Variants in PIWIL1 observed in about 807,000 individuals in gnomAD.
PIWIL1 encodes the protein piwi-like protein 1.
In PIWIL1, 73 loss-of-function variants were observed where a neutral mutation model predicts 114.4. The ratio of observed to expected loss-of-function variants is 0.64; its 90% CI spans 0.53 to 0.78. PIWIL1 has a LOEUF of 0.78. PIWIL1 is among the 30% of genes least tolerant of loss of function. The pLI is 0.00. For synonymous variants in PIWIL1, 375 were observed against 369.0 expected, an observed-to-expected ratio of 1.02 and a Z score of -0.19; for missense variants, 723 against 1,063.1, an observed-to-expected ratio of 0.68 and a Z score of 4.45.
intron 18 of PIWIL1, among the ~76,000 whole-genome samples, chr12:130,366,138 G>A (rs1377449715): frequency 2.0e-5 from 3 of 152,194 alleles, no homozygotes; most frequent in Non-Finnish European, 2.9e-5. Context: ...AGGAACTAAT[G>A]TTGTAGTTGG....
chr12:130,406,522 T>C, the PIWIL1 span, among the ~76,000 whole-genome samples: 1 of 152,244 alleles, frequency 6.6e-6, no homozygotes, highest in Admixed American at 6.5e-5. Flanking sequence ...TAATACATTT[T>C]TAAAGCTAGT....
chr12:130,388,814 A>C, the PIWIL1 span, among the ~76,000 whole-genome samples: 1 of 152,080 alleles, frequency 6.6e-6, no homozygotes, highest in Non-Finnish European at 1.5e-5. Flanking sequence ...TTTTATTTCT[A>C]ATGATTTGCC....
chr12:130,357,619 C>T, intron 14 of PIWIL1, 66 bp downstream of exon 14: 2 of 989,234 alleles, frequency 2.0e-6, no homozygotes, highest in Non-Finnish European at 3.2e-6. Context: ...GGCATGTGTA[C>T]ATTTTGGAAC....
At chr12:130,414,469 C>G in the PIWIL1 span, 1 of 625,662 alleles carries the variant, frequency 1.6e-6, no homozygotes, top group Non-Finnish European at 2.7e-6. Context: ...AGGTCTAGGT[C>G]AGATGAATTG....
At chr12:130,361,649 G>C (rs756399035) in intron 16 of PIWIL1, 48 bp downstream of exon 16, 9 of 1,408,046 alleles carry the variant, frequency 6.4e-6, no homozygotes, top group South Asian at 2.3e-5. Context: ...CATAAAGCAG[G>C]GTTCTGGAGG....
At chr12:130,384,236 C>T in the PIWIL1 span, among the ~76,000 whole-genome samples, 1 of 152,214 alleles carries the variant, frequency 6.6e-6, no homozygotes. Flanking sequence ...GCTATCCTTT[C>T]AGCACTTTGT....
At chr12:130,367,101 T>C (rs1286052804) in intron 18 of PIWIL1, 32 bp from the exon 19 acceptor site, 1 of 1,612,062 alleles carries the variant, frequency 6.2e-7, no homozygotes, top group East Asian at 2.2e-5. Context: ...TATGACTGGC[T>C]AAATGCAGTT....
In PIWIL1 at chr12:130,347,977, A is replaced by C. The variant is rs547937680; in HGVS notation, c.654-126A>C. 635 of 584,830 alleles carry C rather than the reference A, an allele frequency of 1.1e-3. 7 individuals carry two copies. In the South Asian group the frequency reaches 0.014, roughly 13 times the overall value. The allele number at this position is 584,830 out of a possible 1,614,324, so 36.2% of individuals were successfully genotyped here. A position where few individuals can be genotyped will look rare whatever the true frequency, so the allele number is the denominator to read the frequency against. On this transcript the variant is annotated intron_variant, in intron 6 of 20. Coordinates refer to ENST00000245255, the MANE Select transcript of PIWIL1 (RefSeq NM_004764.5). ...TAACTCATAGGCCATAAAAAACAGCAGGTAGGTTGGATTTGGCCTGGCTAC... is the reference window on the plus strand; with the variant it reads ...TAACTCATAGGCCATAAAAAACAGCCGGTAGGTTGGATTTGGCCTGGCTAC...
intron 14 of PIWIL1, among the ~76,000 whole-genome samples, chr12:130,360,112 G>A (rs1430738629): frequency 6.6e-6 from 1 of 152,160 alleles, no homozygotes; most frequent in East Asian, 1.9e-4. Context: ...GACAGATTTA[G>A]TGATAAACAA....
intron 11 of PIWIL1, among the ~76,000 whole-genome samples, 174 bp from the exon 12 acceptor site, chr12:130,355,379 T>A (rs61940167): frequency 0.011 from 1,633 of 152,330 alleles, 11 homozygotes; most frequent in Non-Finnish European, 0.018. Context: ...AAGAGAAGCC[T>A]GAAGGTGATG....
At chr12:130,339,114 G>A (rs2072820342) in intron 1 of PIWIL1, among the ~76,000 whole-genome samples, 1 of 152,104 alleles carries the variant, frequency 6.6e-6, no homozygotes, top group Admixed American at 6.5e-5. Flanking sequence ...GCCCCCGGGA[G>A]CCTTGGGAGC....
intron 4 of PIWIL1, 123 bp downstream of exon 4, chr12:130,346,001 A>G: frequency 1.4e-6 from 1 of 708,616 alleles, no homozygotes. Context: ...GATTTTCCTC[A>G]CTTTCTTTTG....
the PIWIL1 span, among the ~76,000 whole-genome samples, chr12:130,387,859 A>C: frequency 6.6e-6 from 1 of 152,244 alleles, no homozygotes; most frequent in Non-Finnish European, 1.5e-5. Context: ...ACTTAATAAA[A>C]TTTACAGCAT....
chr12:130,376,238 G>A (rs903943695), downstream of PIWIL1, among the ~76,000 whole-genome samples: 1 of 152,146 alleles, frequency 6.6e-6, no homozygotes, highest in African/African-American at 2.4e-5. Flanking sequence ...TGAGGACACA[G>A]AGATTTTGTT....
At chr12:130,404,691 C>T in the PIWIL1 span, among the ~76,000 whole-genome samples, 20 of 152,250 alleles carry the variant, frequency 1.3e-4, no homozygotes, top group Non-Finnish European at 8.8e-5. Context: ...TAAGAGGAGG[C>T]GCATGCTATG....
the PIWIL1 span, chr12:130,424,570 G>A: frequency 8.1e-7 from 1 of 1,232,002 alleles, no homozygotes; most frequent in Non-Finnish European, 1.0e-6. The surrounding 1 kb of genome is among the most constrained non-coding windows in gnomAD (Gnocchi z 9.8). Context: ...TCTTCCAGAA[G>A]GAAGTCCTCC....
Position 130,349,887 on chromosome 12 carries a change from A to G in PIWIL1, c.964A>G (p.Ile322Val), listed in dbSNP as rs2073169046. 1 of 1,612,156 alleles carries G rather than the reference A, an allele frequency of 6.2e-7. No individual in the cohort carries two copies. The highest frequency in any genetic ancestry group is 8.5e-7 in the Non-Finnish European group (1 of 1,178,608). The change falls in exon 9 of 21, where the codon ATT becomes GTT. Residue 322 changes from isoleucine to valine, a missense_variant. By Grantham distance (29) the Ile-to-Val change is conservative (BLOSUM62 3). Transcript: ENST00000245255. ...CAATAAGACATACAGAGTGGATGAT[A>G]TTGACTGGGACCAGAATCCCAAGAG... The part of the protein sequence containing the change: ...YNNKTYRVDD[I>V]DWDQNPKSTF...
intron 11 of PIWIL1, 96 bp from the exon 12 acceptor site, chr12:130,355,457 T>G: frequency 3.3e-6 from 3 of 912,922 alleles, no homozygotes; most frequent in Non-Finnish European, 5.5e-6. Flanking sequence ...GACGGCGACA[T>G]TGGAGTGTGT....
the PIWIL1 span, among the ~76,000 whole-genome samples, chr12:130,377,938 C>T: frequency 5.3e-5 from 8 of 152,334 alleles, no homozygotes; most frequent in South Asian, 6.2e-4. Context: ...TTCTGGACAG[C>T]GCAAGAATCT....
Sources: allele counts gnomAD v4.1 joint callset (sites outside exome capture counted in the v4.1 genomes callset), GRCh38; gene constraint gnomAD v4.1.1; non-coding constraint Gnocchi (gnomAD v3.1); transcripts MANE v1.5; gene names NCBI Gene and HGNC (gene_info 2026-07-23, HGNC 2026-07-21).